Variants in SSH2 observed in about 807,000 individuals in gnomAD.
SSH2 encodes the protein slingshot protein phosphatase 2.
In SSH2, 37 loss-of-function variants were observed where a neutral mutation model predicts 135.2. That is an observed-to-expected ratio of 0.27 (90% CI 0.21 to 0.36). The LOEUF (loss-of-function observed/expected upper bound fraction) is 0.36, where lower values mean the gene tolerates loss of function less well. Among genes scored for constraint, SSH2 ranks in the 10% least tolerant of loss-of-function variants. The pLI is 1.00. For missense variants in SSH2, 1,408 were observed against 1,765.3 expected, an observed-to-expected ratio of 0.80 and a Z score of 3.63; for synonymous variants, 628 against 646.2, an observed-to-expected ratio of 0.97 and a Z score of 0.43.
intron 3 of SSH2, among the ~76,000 whole-genome samples, chr17:29,735,500 C>T (rs183058055): frequency 2.2e-3 from 334 of 152,012 alleles, no homozygotes; most frequent in Non-Finnish European, 3.6e-3. Flanking sequence ...AGTTTGAGAC[C>T]AGCCTGCCCA....
chr17:29,810,890 A>C (rs1265561148), intron 2 of SSH2, among the ~76,000 whole-genome samples: 1 of 152,172 alleles, frequency 6.6e-6, no homozygotes, highest in African/African-American at 2.4e-5. Context: ...GTGGCCCAAC[A>C]CAAATTCGTA....
chr17:29,682,858 T>C (rs1434253829), intron 6 of SSH2, among the ~76,000 whole-genome samples: 1 of 152,200 alleles, frequency 6.6e-6, no homozygotes, highest in Non-Finnish European at 1.5e-5. Flanking sequence ...GTTAAAACCA[T>C]GCAGGAGAAA....
chr17:29,763,223 C>T (rs1364687160), intron 3 of SSH2, among the ~76,000 whole-genome samples: 2 of 152,140 alleles, frequency 1.3e-5, no homozygotes, highest in Non-Finnish European at 2.9e-5. Context: ...AAAGAGTTAT[C>T]TAAGTTTCTG....
intron 15 of SSH2, among the ~76,000 whole-genome samples, chr17:29,634,420 G>C (rs954685097): frequency 6.6e-6 from 1 of 152,186 alleles, no homozygotes; most frequent in African/African-American, 2.4e-5. Flanking sequence ...CAAAATATGA[G>C]TATGAGTCTT....
chr17:29,915,304 G>C lies in SSH2; in HGVS notation c.63+14634C>G, dbSNP rs997862916. ...TAGAAAAAGCACATTCAGTTGCTTT[G>C]GAAATGCATCTAAGAGCAGCATTCA... On this transcript the variant is annotated intron_variant, in intron 1 of 15. Transcript: ENST00000540801. 3.9e-5 allele frequency among the ~76,000 whole-genome samples: 6 copies of C among 152,126 alleles called. No homozygotes were observed. In the East Asian group the frequency reaches 1.2e-3, roughly 29 times the overall value.
rs147886241 is a variant in SSH2, at chr17:29,910,937, A to G, written c.63+19001T>C. Among the ~76,000 whole-genome samples, 574 of 152,320 alleles carry G rather than the reference A, an allele frequency of 3.8e-3. 4 individuals carry two copies. The highest frequency in any genetic ancestry group is 0.013 in the African/African-American group (550 of 41,572). On this transcript the variant is annotated intron_variant, in intron 1 of 15. Transcript: ENST00000540801. ...CCCTTGAAATATAATTGATAATTCT[A>G]TATCCTTATCTCTGAAATGGTGACA...
intron 3 of SSH2, among the ~76,000 whole-genome samples, chr17:29,727,976 T>C (rs1396001527): frequency 6.6e-6 from 1 of 151,350 alleles, no homozygotes; most frequent in Non-Finnish European, 1.5e-5. Flanking sequence ...AGGCCAGGAG[T>C]TCGAGACAAG....
chr17:29,839,693 T>A (rs2043005490), intron 2 of SSH2, among the ~76,000 whole-genome samples: 1 of 152,212 alleles, frequency 6.6e-6, no homozygotes, highest in South Asian at 2.1e-4. Context: ...AGACTTAAGT[T>A]TCTATATTTT....
At position 29,860,438 on chromosome 17, in the gene SSH2, C is replaced by CTTTTT. The variant is rs376815701; in HGVS notation, c.64-11514_64-11510dup. Among the ~76,000 whole-genome samples the CTTTTT allele has an allele frequency of 2.3e-4, 26 of 114,280 alleles. 2 individuals carry two copies. The highest frequency in any genetic ancestry group is 4.2e-4 in the Admixed American group (4 of 9,474). 75.0% of individuals were successfully genotyped at this position (114,280 alleles called of 152,430 possible). A position where few individuals can be genotyped will look rare whatever the true frequency, so the allele number is the denominator to read the frequency against. ...AGCGTCTCTTCATGGCCTTTGCCCA[C>CTTTTT]TTTTTTTTTTTTTTTTTTTTGAGAC... is the stretch of plus-strand genomic sequence containing the variant. On this transcript the variant is annotated intron_variant, in intron 1 of 15. Coordinates refer to ENST00000540801, the MANE Select transcript of SSH2 (RefSeq NM_001282129.2).
At chr17:29,693,254 A>T (rs930010767) in intron 5 of SSH2, among the ~76,000 whole-genome samples, 14 of 151,894 alleles carry the variant, frequency 9.2e-5, no homozygotes, top group Admixed American at 6.6e-5. Context: ...CAATCACTCC[A>T]GATTATTAAT....
chr17:29,660,583 T>A (rs1003181305), intron 11 of SSH2, among the ~76,000 whole-genome samples: 1 of 152,008 alleles, frequency 6.6e-6, no homozygotes, highest in Non-Finnish European at 1.5e-5. Context: ...TGTCTTTATC[T>A]GTAAAATGAA....
Position 29,636,166 on chromosome 17 carries a change from C to G in SSH2, c.2064G>C (p.Glu688Asp). The part of the protein sequence containing the change: ...DFFSALEKFV[E>D]LSQETRSRSF... ...ATCGTGACCGGGTTTCTTGGGAGAG[C>G]TCCACAAACTTCTCTAGGGCACTAA... is the stretch of plus-strand genomic sequence containing the variant. Residue 688 changes from glutamate to aspartate, a missense_variant, in exon 15 of 16, where the codon GAG becomes GAC. Physicochemically the swap from Glu to Asp is conservative, Grantham distance 45. Around this residue, in one of 3 missense-constraint regions of SSH2, gnomAD observed 1,080 missense variants for 1,144.5 expected, o/e 0.94. Coordinates refer to ENST00000540801, the MANE Select transcript of SSH2 (RefSeq NM_001282129.2). The G allele has an allele frequency of 1.2e-6, 2 of 1,614,172 alleles. No individual in the cohort carries two copies. Among genetic ancestry groups the G allele is most frequent in the Non-Finnish European group, 1.7e-6 (2 of 1,180,046 alleles).
chr17:29,681,031 C>T (rs1402226553), intron 6 of SSH2, among the ~76,000 whole-genome samples: 1 of 151,852 alleles, frequency 6.6e-6, no homozygotes, highest in Admixed American at 6.6e-5. Flanking sequence ...GTATTCAGGC[C>T]AGAGTGCTTT....
At chr17:29,666,631 C>T (rs981622445) in intron 11 of SSH2, among the ~76,000 whole-genome samples, 1 of 151,812 alleles carries the variant, frequency 6.6e-6, no homozygotes, top group African/African-American at 2.4e-5. Context: ...TGTAGTGAGA[C>T]GAGATCGTGC....
intron 9 of SSH2, among the ~76,000 whole-genome samples, chr17:29,669,165 C>T (rs754932278): frequency 1.1e-4 from 16 of 152,044 alleles, no homozygotes; most frequent in Non-Finnish European, 1.9e-4. Context: ...AGGAGAATTG[C>T]TGGAGCCCGG....
At chr17:29,743,651 T>C (rs554034062) in intron 3 of SSH2, among the ~76,000 whole-genome samples, 25 of 152,286 alleles carry the variant, frequency 1.6e-4, no homozygotes, top group African/African-American at 5.1e-4. Flanking sequence ...TCTTAACAAA[T>C]GTACTCAAGC....
intron 1 of SSH2, among the ~76,000 whole-genome samples, chr17:29,873,705 T>C (rs1246207688): frequency 1.3e-5 from 2 of 152,222 alleles, no homozygotes. Context: ...ACTATTGATA[T>C]AGGACATAGG....
chr17:29,784,246 G>A (rs1235874069), intron 3 of SSH2, among the ~76,000 whole-genome samples: 2 of 151,624 alleles, frequency 1.3e-5, no homozygotes, highest in Non-Finnish European at 2.9e-5. Context: ...TAGGCTGGGC[G>A]TGGTGGCACG....
chr17:29,774,110 T>C (rs1045867706), intron 3 of SSH2, among the ~76,000 whole-genome samples: 1 of 152,252 alleles, frequency 6.6e-6, no homozygotes, highest in African/African-American at 2.4e-5. Flanking sequence ...CTAAAGTTTA[T>C]ACTGTTTAAA....
Sources: gnomAD v4.1 joint callset for allele counts (sites outside exome capture counted in the v4.1 genomes callset) on GRCh38, gnomAD v4.1.1 for gene constraint, gnomAD v4.1.1 regional missense constraint, MANE v1.5 for transcripts, NCBI Gene and HGNC (gene_info 2026-07-23, HGNC 2026-07-21) for gene names.